Variants in GRIP1 observed in about 807,000 individuals in gnomAD.
GRIP1 encodes the protein glutamate receptor-interacting protein 1.
Under a neutral mutation model 129.9 loss-of-function variants are expected in GRIP1, and 45 were observed. That is an observed-to-expected ratio of 0.35 (90% CI 0.27 to 0.44). The LOEUF is 0.44. Ranked by LOEUF, GRIP1 falls within the 20% of genes least tolerant of loss-of-function variation. The pLI is 1.00. For missense variants in GRIP1, 1,196 were observed against 1,396.8 expected (o/e 0.86, Z 2.29); for synonymous variants, 530 against 520.8 (o/e 1.02, Z -0.24).
At chr12:66,882,235 C>T (rs1418365249) in intron 1 of GRIP1, among the ~76,000 whole-genome samples, 1 of 148,734 alleles carries the variant, frequency 6.7e-6, no homozygotes, top group Non-Finnish European at 1.5e-5. Context: ...AAAAAGACCA[C>T]TCTTCTATCA....
At chr12:66,483,197 C>T (rs1175889045) in intron 7 of GRIP1, among the ~76,000 whole-genome samples, 1 of 152,088 alleles carries the variant, frequency 6.6e-6, no homozygotes, top group Non-Finnish European at 1.5e-5. Flanking sequence ...CTTTTGGGAG[C>T]CTTTCAACTT....
chr12:66,790,604 A>T (rs893626877), intron 1 of GRIP1, among the ~76,000 whole-genome samples: 1 of 152,186 alleles, frequency 6.6e-6, no homozygotes, highest in African/African-American at 2.4e-5. Flanking sequence ...AACTTAGATA[A>T]CGTAAGGAAT....
chr12:66,553,722 T>C (rs1199451124), intron 2 of GRIP1, among the ~76,000 whole-genome samples: 2 of 151,708 alleles, frequency 1.3e-5, no homozygotes, highest in Admixed American at 1.3e-4. Context: ...GCATGTCTCA[T>C]GGCACGAAGA....
chr12:66,830,222 G>A (rs771566881), intron 1 of GRIP1, among the ~76,000 whole-genome samples: 6 of 152,076 alleles, frequency 3.9e-5, no homozygotes, highest in African/African-American at 1.4e-4. Context: ...CCACTGCCCC[G>A]CGATGCCCAG....
In GRIP1 at chr12:66,671,878, G is replaced by A. The variant is rs145293494; in HGVS notation, c.55+6972C>T. 2.7e-4 allele frequency among the ~76,000 whole-genome samples: 41 copies of A among 152,210 alleles called. No homozygotes were observed. The East Asian group carries it at 7.3e-3, about 27-fold the overall frequency. ...GACTTGAAAGTGAAGATACATGAAG[G>A]CAACAATTTAAAGCACAAAATAAAT... On this transcript the variant is annotated intron_variant, in intron 1 of 24. Coordinates refer to ENST00000359742, the MANE Select transcript of GRIP1 (RefSeq NM_001366722.1).
intron 7 of GRIP1, among the ~76,000 whole-genome samples, chr12:66,479,711 C>G (rs982095086): frequency 6.6e-6 from 1 of 152,132 alleles, no homozygotes; most frequent in African/African-American, 2.4e-5. Context: ...ACATCAAAAG[C>G]TTATCCACAA....
chr12:66,813,615 CAAG>C (rs1235340141), intron 1 of GRIP1, among the ~76,000 whole-genome samples: 2 of 152,120 alleles, frequency 1.3e-5, no homozygotes, highest in East Asian at 3.9e-4. Context: ...CTAAAAAATA[CAAG>C]AAGATCCATT....
chr12:66,379,326 C>G lies in GRIP1; in HGVS notation c.2575G>C (p.Asp859His). 2 of 1,614,044 alleles carry G rather than the reference C, an allele frequency of 1.2e-6. No homozygotes were observed. Among genetic ancestry groups the G allele is most frequent in the Non-Finnish European group, 1.7e-6 (2 of 1,179,902 alleles). The change falls in exon 20 of 25, where the codon GAT becomes CAT. Residue 859 changes from aspartate to histidine, a missense_variant. Physicochemically the swap from Asp to His is moderately conservative, Grantham distance 81. This residue lies in a region of GRIP1 where 427 missense variants were observed against 463.3 expected (regional missense o/e 0.92). Coordinates refer to ENST00000359742, the MANE Select transcript of GRIP1 (RefSeq NM_001366722.1). ...CAGTCTTCATAACTCAGCCCCACAT[C>G]TGGGTAAGTCTGGCTTCGAGGCTTA... is the stretch of plus-strand genomic sequence containing the variant. ...VTKPRSQTYPDVGLSYEDWDR... is the reference protein window; with the variant it reads ...VTKPRSQTYPHVGLSYEDWDR...
intron 22 of GRIP1, among the ~76,000 whole-genome samples, chr12:66,375,626 T>C (rs944131941): frequency 1.3e-5 from 2 of 152,338 alleles, no homozygotes; most frequent in East Asian, 1.9e-4. Context: ...ATTCAACTCA[T>C]TTGCTTTCTG....
chr12:66,863,278 A>G (rs1020615702), intron 1 of GRIP1, among the ~76,000 whole-genome samples: 2 of 152,192 alleles, frequency 1.3e-5, no homozygotes. Context: ...TGTGTAACAC[A>G]CTGTCCTAGG....
chr12:66,881,305 G>T (rs1170786574), intron 1 of GRIP1, among the ~76,000 whole-genome samples: 1 of 152,138 alleles, frequency 6.6e-6, no homozygotes, highest in Non-Finnish European at 1.5e-5. Context: ...TTGTAAAGAT[G>T]CGATGTGAGG....
At chr12:66,920,622 C>G (rs2137357674) in intron 1 of GRIP1, among the ~76,000 whole-genome samples, 1 of 152,296 alleles carries the variant, frequency 6.6e-6, no homozygotes, top group South Asian at 2.1e-4. Flanking sequence ...TCTTCCCCAC[C>G]AGGTCACTGA....
At chr12:66,451,383 G>GTTTGTTTTTTTTTTTTTTTTTT (rs2058794233) in intron 11 of GRIP1, among the ~76,000 whole-genome samples, 2 of 42,650 alleles carry the variant, frequency 4.7e-5, no homozygotes, top group Non-Finnish European at 8.4e-5. Flanking sequence ...ATTATAATCT[G>GTTTGTTTTTTTTTTTTTTTTTT]TTTTTTTTTT....
intron 1 of GRIP1, among the ~76,000 whole-genome samples, chr12:66,868,883 T>A (rs1592916425): frequency 6.6e-6 from 1 of 152,094 alleles, no homozygotes; most frequent in Non-Finnish European, 1.5e-5. Context: ...GAGGACAAAA[T>A]GTACAACTTG....
chr12:66,533,029 G>C (rs2061501793), intron 4 of GRIP1, among the ~76,000 whole-genome samples: 1 of 152,060 alleles, frequency 6.6e-6, no homozygotes, highest in Admixed American at 6.5e-5. Flanking sequence ...TCTAAAGACA[G>C]ATAAAACAAA....
intron 1 of GRIP1, among the ~76,000 whole-genome samples, chr12:67,053,206 G>C (rs1332430960): frequency 6.6e-6 from 1 of 152,076 alleles, no homozygotes; most frequent in East Asian, 1.9e-4. Context: ...TGCTGTGCCA[G>C]GCATTTAAAA....
chr12:66,893,946 A>G (rs2040703518), intron 1 of GRIP1, among the ~76,000 whole-genome samples: 1 of 152,012 alleles, frequency 6.6e-6, no homozygotes, highest in African/African-American at 2.4e-5. Flanking sequence ...CTCTAGCTTC[A>G]TCTCTATTCC....
intron 2 of GRIP1, among the ~76,000 whole-genome samples, chr12:66,574,232 T>G (rs923547700): frequency 6.6e-6 from 1 of 152,230 alleles, no homozygotes; most frequent in Non-Finnish European, 1.5e-5. Flanking sequence ...GCAGCGTCAA[T>G]TCACTGATAT....
rs1555241802 is a variant in GRIP1, at chr12:66,815,854, T to TTCTTTCTTTCTTTCTCTCTC, written c.59-218928_59-218927insGAGAGAGAAAGAAAGAAAGA. Among the ~76,000 whole-genome samples, 479 of 116,756 alleles carry TTCTTTCTTTCTTTCTCTCTC rather than the reference T, an allele frequency of 4.1e-3. 6 individuals carry two copies. The highest frequency in any genetic ancestry group is 0.013 in the African/African-American group (403 of 30,770). 76.6% of individuals were successfully genotyped at this position (116,756 alleles called of 152,430 possible). On this transcript the variant is annotated intron_variant, in intron 1 of 1. Coordinates refer to the GRIP1 transcript ENST00000643019. ...TTTCTTTCTTTCTTTCTTTCTTTCT[T>TTCTTTCTTTCTTTCTCTCTC]TCTCTCTCTCTCTCTCTCTCTCTCT...
Sources: allele counts gnomAD v4.1 joint callset (sites outside exome capture counted in the v4.1 genomes callset), GRCh38; gene constraint gnomAD v4.1.1; regional missense constraint gnomAD v4.1.1; transcripts MANE v1.5; gene names NCBI Gene and HGNC (gene_info 2026-07-23, HGNC 2026-07-21).